Variants in SKIL observed in about 807,000 individuals in gnomAD.
The protein encoded by SKIL is ski-like protein.
SKIL carries 20 observed loss-of-function variants against 69.6 expected under a neutral mutation model. That is an observed-to-expected ratio of 0.29 (90% confidence interval 0.20 to 0.42). The LOEUF is 0.42. Ranked by LOEUF, SKIL falls within the 10% of genes least tolerant of loss-of-function variation. The pLI is 1.00. For missense variants in SKIL, 745 were observed against 783.1 expected (o/e 0.95, Z 0.58); for synonymous variants, 310 against 279.9 (o/e 1.11, Z -1.08).
At chr3:170,370,432 A>G (rs1483415494) in intron 2 of SKIL, among the ~76,000 whole-genome samples, 1 of 31,992 alleles carries the variant, frequency 3.1e-5, no homozygotes, top group Admixed American at 2.9e-4. Flanking sequence ...AGAGAGAGAG[A>G]GAGAGAGCCC....
chr3:170,368,281 T>G (rs1577415997), intron 2 of SKIL, among the ~76,000 whole-genome samples: 1 of 152,216 alleles, frequency 6.6e-6, no homozygotes, highest in East Asian at 1.9e-4. Context: ...GAGGGACCAT[T>G]ATGAATACTT....
At chr3:170,372,217 T>C (rs539296674) in intron 2 of SKIL, among the ~76,000 whole-genome samples, 2 of 152,346 alleles carry the variant, frequency 1.3e-5, no homozygotes, top group South Asian at 4.1e-4. Context: ...TTACCAACTT[T>C]ACATGGCTTT....
In SKIL at chr3:170,395,370, G is replaced by C. The variant is rs946449559; in HGVS notation, c.*2953G>C. 10 of 152,032 alleles carry C rather than the reference G, an allele frequency of 6.6e-5. No individual in the cohort carries two copies. The highest frequency in any genetic ancestry group is 3.9e-4 in the Admixed American group (6 of 15,268). 9.4% of individuals were successfully genotyped at this position (152,032 alleles called of 1,614,324 possible). A position where few individuals can be genotyped will look rare whatever the true frequency, so the allele number is the denominator to read the frequency against. ...TGAATTTCTGTGTTCATGAGAGTTA[G>C]GGTGTTTTATGCTTCTTGAACTAAT... On this transcript the variant is annotated 3_prime_UTR_variant, in exon 7 of 7. Transcript: ENST00000259119.
In SKIL at chr3:170,393,153, A is replaced by G. The variant is rs1224783286; in HGVS notation, c.*736A>G. 6.6e-6 allele frequency: 1 copy of G among 151,998 alleles called. No individual in the cohort carries two copies. The highest frequency in any genetic ancestry group is 1.5e-5 in the Non-Finnish European group (1 of 67,994). 9.4% of individuals were successfully genotyped at this position (151,998 alleles called of 1,614,324 possible). A position where few individuals can be genotyped will look rare whatever the true frequency, so the allele number is the denominator to read the frequency against. Reference sequence around the variant, plus strand: ...CAACTTTTCAAAAATAAAATGTGATAATTTCTGAACTTTTGTTTGTGTTGT... The same window carrying G: ...CAACTTTTCAAAAATAAAATGTGATGATTTCTGAACTTTTGTTTGTGTTGT... On this transcript the variant is annotated 3_prime_UTR_variant, in exon 7 of 7. Coordinates refer to ENST00000259119, the MANE Select transcript of SKIL (RefSeq NM_005414.5).
intron 2 of SKIL, among the ~76,000 whole-genome samples, chr3:170,369,644 T>C (rs1273751286): frequency 1.3e-5 from 2 of 152,054 alleles, no homozygotes; most frequent in African/African-American, 4.8e-5. Context: ...TCAGGTGATC[T>C]GCCTGTCTCA....
intron 2 of SKIL, among the ~76,000 whole-genome samples, chr3:170,372,531 C>G (rs1736842541): frequency 1.3e-5 from 2 of 152,174 alleles, no homozygotes; most frequent in African/African-American, 4.8e-5. Context: ...TATTTGCTAC[C>G]TTGTAACACT....
intron 1 of SKIL, among the ~76,000 whole-genome samples, chr3:170,358,284 G>T (rs1245935313): frequency 6.6e-6 from 1 of 152,018 alleles, no homozygotes; most frequent in African/African-American, 2.4e-5. Context: ...GGGTGCGCGG[G>T]GGGGTGGATT....
At chr3:170,373,732 T>G in intron 2 of SKIL, among the ~76,000 whole-genome samples, 1 of 150,002 alleles carries the variant, frequency 6.7e-6, no homozygotes, top group Admixed American at 6.8e-5. Context: ...CAAAAAAAAT[T>G]AAAAAAAAAT....
intron 2 of SKIL, among the ~76,000 whole-genome samples, chr3:170,364,014 G>A (rs1475046897): frequency 2.6e-5 from 4 of 151,994 alleles, no homozygotes; most frequent in African/African-American, 9.7e-5. Context: ...GCAGTGGCAC[G>A]ATCTCGGCTC....
At position 170,395,194 on chromosome 3, in the gene SKIL, G is replaced by C. The variant is rs950659505; in HGVS notation, c.*2777G>C. The stretch of plus-strand genomic sequence containing the variant: ...GAGAAAAGTGTACCTACTCTATAAA[G>C]GTAATAAATGTAAAACCTCTTGCTG... On this transcript the variant is annotated 3_prime_UTR_variant, in exon 7 of 7. Coordinates refer to ENST00000259119, the MANE Select transcript of SKIL (RefSeq NM_005414.5). 1 of 152,054 alleles carries C rather than the reference G, an allele frequency of 6.6e-6. No homozygotes were observed. The highest frequency in any genetic ancestry group is 2.4e-5 in the African/African-American group (1 of 41,402). The allele number at this position is 152,054 out of a possible 1,614,324, so 9.4% of individuals were successfully genotyped here. A position where few individuals can be genotyped will look rare whatever the true frequency, so the allele number is the denominator to read the frequency against.
chr3:170,395,142 C>T lies in SKIL; in HGVS notation c.*2725C>T, dbSNP rs911328920. On this transcript the variant is annotated 3_prime_UTR_variant, in exon 7 of 7. Transcript: ENST00000259119. ...CTTGGGTGATGTTTAATTTGGGTGGCGATAGTTTCTGTAGGCTAAACTTTA... is the reference window on the plus strand; with the variant it reads ...CTTGGGTGATGTTTAATTTGGGTGGTGATAGTTTCTGTAGGCTAAACTTTA... 8 of 152,068 alleles carry T rather than the reference C, an allele frequency of 5.3e-5. No individual in the cohort carries two copies. The highest frequency in any genetic ancestry group is 1.2e-4 in the African/African-American group (5 of 41,426). 9.4% of individuals were successfully genotyped at this position (152,068 alleles called of 1,614,324 possible).
intron 2 of SKIL, among the ~76,000 whole-genome samples, chr3:170,362,772 G>A (rs1736306813): frequency 2.0e-5 from 3 of 150,186 alleles, no homozygotes; most frequent in South Asian, 4.2e-4. Flanking sequence ...CCGAGATCAC[G>A]CCACCACAGT....
chr3:170,366,178 G>A (rs1736502105), intron 2 of SKIL, among the ~76,000 whole-genome samples: 1 of 149,638 alleles, frequency 6.7e-6, no homozygotes, highest in African/African-American at 2.5e-5. Flanking sequence ...TCAAAGTATT[G>A]CTTTTGGATT....
At chr3:170,392,158 G>T in intron 6 of SKIL, 101 bp from the exon 7 acceptor site, 2 of 963,210 alleles carry the variant, frequency 2.1e-6, no homozygotes, top group Non-Finnish European at 3.1e-6. Context: ...GAAATAGTTC[G>T]TTTTGTAAAA....
intron 2 of SKIL, among the ~76,000 whole-genome samples, chr3:170,375,225 ACT>A (rs1416575913): frequency 6.6e-6 from 1 of 152,176 alleles, no homozygotes; most frequent in African/African-American, 2.4e-5. Context: ...CTCTAGTCTG[ACT>A]CTTACTGGGT....
chr3:170,365,246 G>A (rs1355687002), intron 2 of SKIL, among the ~76,000 whole-genome samples: 3 of 152,140 alleles, frequency 2.0e-5, no homozygotes, highest in African/African-American at 2.4e-5. Flanking sequence ...CTTCTAACTC[G>A]AAGTTTAGTA....
At chr3:170,366,506 G>A (rs750349949) in intron 2 of SKIL, among the ~76,000 whole-genome samples, 4 of 151,896 alleles carry the variant, frequency 2.6e-5, no homozygotes, top group Non-Finnish European at 4.4e-5. Context: ...ATGGTGAAAC[G>A]CCATCTCTAC....
At chr3:170,381,962 G>A (rs1045917029) in intron 3 of SKIL, among the ~76,000 whole-genome samples, 1 of 151,720 alleles carries the variant, frequency 6.6e-6, no homozygotes, top group Non-Finnish European at 1.5e-5. Context: ...GGCACCTGTA[G>A]TCCCAGCTAC....
In SKIL at chr3:170,391,238, A is replaced by G. The variant is rs761679133; in HGVS notation, c.1874A>G (p.Lys625Arg). 1 of 1,605,486 alleles carries G rather than the reference A, an allele frequency of 6.2e-7. No individual in the cohort carries two copies. The highest frequency in any genetic ancestry group is 1.7e-5 in the Admixed American group (1 of 59,760). ...TGTGACTCAAATTTAGAAAAAGACA[A>G]AGAGGCTGAATATGCAGGACAGGTA... ...CTCDSNLEKD[K>R]EAEYAGQLAE... The change falls in exon 6 of 7, where the codon AAA becomes AGA. Residue 625 changes from lysine (K) to arginine (R), a missense_variant. Coordinates refer to ENST00000259119, the MANE Select transcript of SKIL (RefSeq NM_005414.5).
Sources: allele counts gnomAD v4.1 joint callset (sites outside exome capture counted in the v4.1 genomes callset), GRCh38; gene constraint gnomAD v4.1.1; transcripts MANE v1.5; gene names NCBI Gene and HGNC (gene_info 2026-07-23, HGNC 2026-07-21).